The following NTRK3 variants were observed in gnomAD, a reference collection of about 807,000 sequenced individuals.
The protein encoded by NTRK3 is NT-3 growth factor receptor.
Under a neutral mutation model 91.7 loss-of-function variants are expected in NTRK3, and 24 were observed. The observed-to-expected ratio is 0.26, with a 90% CI of 0.19 to 0.37. The LOEUF is 0.37. Among genes scored for constraint, NTRK3 ranks in the 10% least tolerant of loss-of-function variants. The pLI is 1.00. For missense variants in NTRK3, 880 were observed against 1,068.9 expected (o/e 0.82, Z 2.46); for synonymous variants, 483 against 404.0 (o/e 1.20, Z -2.34).
chr15:87,932,213 CT>C (rs1445318226), intron 16 of NTRK3, among the ~76,000 whole-genome samples: 1 of 152,184 alleles, frequency 6.6e-6, no homozygotes, highest in Non-Finnish European at 1.5e-5. Flanking sequence ...TCCAGATGGT[CT>C]TGTTCTAGGC....
intron 14 of NTRK3, among the ~76,000 whole-genome samples, chr15:88,003,017 G>A (rs1290176157): frequency 3.9e-5 from 6 of 152,230 alleles, no homozygotes; most frequent in Admixed American, 3.3e-4. Flanking sequence ...CAGCGTGCCA[G>A]CACATGAATC....
intron 13 of NTRK3, among the ~76,000 whole-genome samples, chr15:88,098,077 C>G (rs1371321274): frequency 6.6e-6 from 1 of 152,184 alleles, no homozygotes; most frequent in Non-Finnish European, 1.5e-5. Flanking sequence ...ATCTTTTCCT[C>G]TGACAAAAAG....
chr15:88,208,069 C>G (rs1016252012), intron 3 of NTRK3, among the ~76,000 whole-genome samples: 2 of 152,172 alleles, frequency 1.3e-5, no homozygotes, highest in African/African-American at 4.8e-5. Context: ...TTGCAGTCCT[C>G]TAGCCACTAT....
At chr15:87,979,353 C>A in intron 14 of NTRK3, 1 of 1,611,804 alleles carries the variant, frequency 6.2e-7, no homozygotes, top group Non-Finnish European at 8.5e-7. Context: ...TTTTAAAAGC[C>A]ATGACGTCCT....
At chr15:88,010,486 T>C (rs972011593) in intron 14 of NTRK3, among the ~76,000 whole-genome samples, 1 of 152,116 alleles carries the variant, frequency 6.6e-6, no homozygotes, top group African/African-American at 2.4e-5. Flanking sequence ...TTTTCCAAGC[T>C]TTTTAGTAAT....
intron 14 of NTRK3, among the ~76,000 whole-genome samples, chr15:87,973,403 CT>C (rs2073427736): frequency 6.6e-6 from 1 of 152,168 alleles, no homozygotes; most frequent in African/African-American, 2.4e-5. Context: ...AGACAAGGGA[CT>C]TATCTCTTGC....
rs539817439 is a variant in NTRK3, at chr15:88,069,263, T to A, written c.1397-36218A>T. Reference sequence around the variant, plus strand: ...CAAAGTGGCATCACCATATAAAAGGTTGTCAGAAAGGAGGCTGTATGAGCT... The same window carrying A: ...CAAAGTGGCATCACCATATAAAAGGATGTCAGAAAGGAGGCTGTATGAGCT... On this transcript the variant is annotated intron_variant, in intron 13 of 18. Transcript: ENST00000394480. 1.1e-3 allele frequency among the ~76,000 whole-genome samples: 164 copies of A among 152,260 alleles called. No individual in the cohort carries two copies. In the South Asian group the frequency reaches 0.016, roughly 15 times the overall value.
At chr15:87,862,896 C>A (rs1321070951) in exon 19 of NTRK3, 1 of 230,852 alleles carries the variant, frequency 4.3e-6, no homozygotes, top group Non-Finnish European at 8.6e-6. Context: ...CCTTTTCTGT[C>A]CCCAAACTTC....
At chr15:87,961,097 C>T (rs918872640) in intron 14 of NTRK3, among the ~76,000 whole-genome samples, 5 of 152,174 alleles carry the variant, frequency 3.3e-5, no homozygotes, top group Non-Finnish European at 7.3e-5. Context: ...TGATCATTAG[C>T]AGCCTTGCAT....
At chr15:87,889,783 C>A (rs1006764769) in intron 17 of NTRK3, among the ~76,000 whole-genome samples, 1 of 152,126 alleles carries the variant, frequency 6.6e-6, no homozygotes, top group East Asian at 1.9e-4. Flanking sequence ...TATCAAAATA[C>A]TAATAATGCC....
chr15:88,083,928 C>T (rs139440372), intron 13 of NTRK3, among the ~76,000 whole-genome samples: 67 of 152,162 alleles, frequency 4.4e-4, no homozygotes, highest in African/African-American at 1.6e-3. Flanking sequence ...AATTCTGTCC[C>T]AGACCCTGGC....
At chr15:88,113,208 A>G (rs2051619721) in intron 13 of NTRK3, among the ~76,000 whole-genome samples, 1 of 152,104 alleles carries the variant, frequency 6.6e-6, no homozygotes, top group South Asian at 2.1e-4. Context: ...GGAAACTGCC[A>G]GGCTTATAAT....
At chr15:88,005,702 G>GA (rs2141683567) in intron 14 of NTRK3, among the ~76,000 whole-genome samples, 1 of 152,182 alleles carries the variant, frequency 6.6e-6, no homozygotes, top group East Asian at 1.9e-4. Context: ...AAGGTGCTAG[G>GA]AGGCAGTCTC....
chr15:88,140,288 A>C (rs1391671252), intron 6 of NTRK3, among the ~76,000 whole-genome samples: 1 of 152,228 alleles, frequency 6.6e-6, no homozygotes, highest in Non-Finnish European at 1.5e-5. Flanking sequence ...CACAGGGTCA[A>C]CACGTACAGT....
intron 17 of NTRK3, among the ~76,000 whole-genome samples, chr15:87,903,098 T>A (rs1332742498): frequency 6.6e-6 from 1 of 152,162 alleles, no homozygotes; most frequent in Non-Finnish European, 1.5e-5. Context: ...AGATCTACTT[T>A]CCATTAGGGC....
At chr15:87,863,982 CACACACACACAT>C (rs1176390795) in exon 19 of NTRK3, 4 of 204,224 alleles carry the variant, frequency 2.0e-5, no homozygotes, top group Non-Finnish European at 3.8e-5. Flanking sequence ...AATACACACA[CACACACACACAT>C]ACACACACAC....
intron 14 of NTRK3, among the ~76,000 whole-genome samples, chr15:88,006,970 G>A (rs1466659688): frequency 1.3e-5 from 2 of 152,136 alleles, no homozygotes; most frequent in Non-Finnish European, 2.9e-5. Flanking sequence ...TGCTCAGCTG[G>A]GAGAGGCACA....
At chr15:87,966,592 T>C (rs2072816705) in intron 14 of NTRK3, among the ~76,000 whole-genome samples, 1 of 152,160 alleles carries the variant, frequency 6.6e-6, no homozygotes, top group South Asian at 2.1e-4. Context: ...CAGTAATCCT[T>C]TGGCCAACTC....
At chr15:88,072,607 T>G (rs1163615830) in intron 13 of NTRK3, 1 of 232,442 alleles carries the variant, frequency 4.3e-6, no homozygotes, top group African/African-American at 2.2e-5. Context: ...CATCTAGAAA[T>G]AAACACAGTT....
Sources: gnomAD v4.1 joint callset for allele counts (sites outside exome capture counted in the v4.1 genomes callset) on GRCh38, gnomAD v4.1.1 for gene constraint, MANE v1.5 for transcripts, NCBI Gene and HGNC (gene_info 2026-07-23, HGNC 2026-07-21) for gene names.